The following LRRK1 variants were observed in gnomAD, a reference collection of about 807,000 sequenced individuals.
LRRK1 encodes leucine rich repeat kinase 1.
In LRRK1, 113 loss-of-function variants were observed where a neutral mutation model predicts 209.1. The observed-to-expected ratio is 0.54, with a 90% CI of 0.46 to 0.63. The LOEUF (loss-of-function observed/expected upper bound fraction) is 0.63, where lower values mean the gene tolerates loss of function less well. Among genes scored for constraint, LRRK1 ranks in the 30% least tolerant of loss-of-function variants. The pLI is 0.00. For synonymous variants in LRRK1, 1,144 were observed against 1,099.7 expected (o/e 1.04, Z -0.80); for missense variants, 2,284 against 2,632.2 (o/e 0.87, Z 2.89).
chr15:100,959,058 G>A (rs1427053524), intron 2 of LRRK1, among the ~76,000 whole-genome samples: 1 of 152,204 alleles, frequency 6.6e-6, no homozygotes, highest in Non-Finnish European at 1.5e-5. Flanking sequence ...CCTTAGGGAA[G>A]GGTTGGAGGG....
At chr15:100,983,498 C>T in intron 3 of LRRK1, 30 bp from the exon 4 acceptor site, 1 of 1,539,166 alleles carries the variant, frequency 6.5e-7, no homozygotes, top group African/African-American at 1.4e-5. Flanking sequence ...TAGAGCCAGT[C>T]TCACTGGAGC....
intron 6 of LRRK1, among the ~76,000 whole-genome samples, chr15:101,003,777 G>C (rs2032814472): frequency 6.6e-6 from 1 of 152,098 alleles, no homozygotes; most frequent in African/African-American, 2.4e-5. Flanking sequence ...ATTTGGGTGG[G>C]GACACAGCCA....
At chr15:101,040,587 C>T (rs2034704010) in intron 20 of LRRK1, among the ~76,000 whole-genome samples, 1 of 152,036 alleles carries the variant, frequency 6.6e-6, no homozygotes, top group Non-Finnish European at 1.5e-5. Flanking sequence ...CTTGTTCTTC[C>T]TTCTTAAGGT....
intron 4 of LRRK1, 151 bp from the exon 5 acceptor site, chr15:100,988,483 C>T: frequency 2.7e-6 from 2 of 744,462 alleles, no homozygotes; most frequent in Non-Finnish European, 4.7e-6. Context: ...TGATCTCATT[C>T]TTTTTTATGG....
intron 6 of LRRK1, among the ~76,000 whole-genome samples, chr15:100,992,356 G>C (rs933674379): frequency 6.6e-6 from 1 of 151,982 alleles, no homozygotes; most frequent in African/African-American, 2.4e-5. Flanking sequence ...ATTATATTTT[G>C]GTAGAAAATT....
chr15:100,947,324 A>G (rs1267675256), intron 2 of LRRK1, among the ~76,000 whole-genome samples: 1 of 152,242 alleles, frequency 6.6e-6, no homozygotes, highest in Non-Finnish European at 1.5e-5. Context: ...AAAAATAGAA[A>G]CAATTGATAA....
At chr15:100,930,479 C>T (rs1212242100) in intron 2 of LRRK1, among the ~76,000 whole-genome samples, 3 of 152,216 alleles carry the variant, frequency 2.0e-5, no homozygotes, top group East Asian at 3.8e-4. Flanking sequence ...TGGCCCAAGC[C>T]TGAATGTGGT....
At chr15:101,030,883 T>TACA in intron 20 of LRRK1, among the ~76,000 whole-genome samples, 1 of 152,148 alleles carries the variant, frequency 6.6e-6, no homozygotes, top group Admixed American at 6.5e-5. Context: ...CTGCACCCTA[T>TACA]TTGTGTCTTT....
chr15:100,996,281 G>C (rs1180773748), intron 6 of LRRK1, among the ~76,000 whole-genome samples: 1 of 152,250 alleles, frequency 6.6e-6, no homozygotes, highest in South Asian at 2.1e-4. Context: ...TCAGCAGGCG[G>C]TGCTGCTGTA....
intron 2 of LRRK1, among the ~76,000 whole-genome samples, chr15:100,941,318 G>GTGTC (rs1567190702): frequency 1.2e-5 from 1 of 86,332 alleles, no homozygotes; most frequent in Non-Finnish European, 2.2e-5. Flanking sequence ...GTGTGTCTGT[G>GTGTC]TGTGTGTGTC....
In LRRK1 at chr15:101,071,380, T is replaced by TTTG. The variant is rs2036799335; in HGVS notation, c.*2534_*2535insGTT. On this transcript the variant is annotated 3_prime_UTR_variant, in exon 34 of 34. Transcript: ENST00000388948. ...GACACAGTCAAGAATCTCTGTGTTT[T>TTTG]TTTTGTTTTGTTTTGTTTTTGTTTT... The TTTG allele has an allele frequency of 6.6e-6, 1 of 150,726 alleles. No individual in the cohort carries two copies. 9.3% of individuals were successfully genotyped at this position (150,726 alleles called of 1,614,324 possible).
intron 2 of LRRK1, among the ~76,000 whole-genome samples, chr15:100,965,950 G>A (rs1426988005): frequency 6.6e-6 from 1 of 151,994 alleles, no homozygotes; most frequent in East Asian, 1.9e-4. Flanking sequence ...CTACTTATTT[G>A]GGACATTAAT....
rs1339120115 is a variant in LRRK1, at chr15:101,022,625, C to A, written c.2067+28C>A. The A allele has an allele frequency of 6.7e-7, 1 of 1,499,276 alleles. No individual in the cohort carries two copies. Among genetic ancestry groups the A allele is most frequent in the Non-Finnish European group, 9.1e-7 (1 of 1,095,940 alleles). The allele number at this position is 1,499,276 out of a possible 1,614,324, so 92.9% of individuals were successfully genotyped here. On this transcript the variant is annotated intron_variant, in intron 15 of 33. Coordinates refer to ENST00000388948, the MANE Select transcript of LRRK1 (RefSeq NM_024652.6). The surrounding 1 kb of genome is among the most constrained non-coding windows in gnomAD (Gnocchi z 4.0). Reference sequence around the variant, plus strand: ...CAAGGATGGTCTGCGTGCAGAGTCCCTGTGGGTGGGAGGAACATCCCTTGG... The same window carrying A: ...CAAGGATGGTCTGCGTGCAGAGTCCATGTGGGTGGGAGGAACATCCCTTGG...
chr15:101,031,307 AGC>A (rs1422671664), intron 20 of LRRK1, among the ~76,000 whole-genome samples: 2 of 152,206 alleles, frequency 1.3e-5, no homozygotes, highest in African/African-American at 4.8e-5. Context: ...TCTGACTTCC[AGC>A]ACCAGAGCCT....
Position 101,022,888 on chromosome 15 carries a change from A to C in LRRK1, c.2067+291A>C, listed in dbSNP as rs1321883949. Among the ~76,000 whole-genome samples, 1 of 151,958 alleles carries C rather than the reference A, an allele frequency of 6.6e-6. No individual in the cohort carries two copies. Among genetic ancestry groups the C allele is most frequent in the Non-Finnish European group, 1.5e-5 (1 of 68,008 alleles). On this transcript the variant is annotated intron_variant, in intron 15 of 33. Coordinates refer to ENST00000388948, the MANE Select transcript of LRRK1 (RefSeq NM_024652.6). The surrounding 1 kb of genome is among the most constrained non-coding windows in gnomAD (Gnocchi z 4.0). The stretch of plus-strand genomic sequence containing the variant: ...GATGCATCCTCAACCTCCCCAGCTT[A>C]AATGATCCACCTGCCCTGTATGTTT...
At chr15:100,951,015 A>G (rs983349169) in intron 2 of LRRK1, among the ~76,000 whole-genome samples, 2 of 152,232 alleles carry the variant, frequency 1.3e-5, no homozygotes, top group Admixed American at 6.5e-5. Flanking sequence ...AGGCAGGAGA[A>G]TGGCGTGAAC....
chr15:100,988,801 G>C lies in LRRK1; in HGVS notation c.601G>C (p.Ala201Pro). Residue 201 changes from alanine to proline, a missense_variant, in exon 5 of 34, where the codon GCC becomes CCC. Coordinates refer to ENST00000388948, the MANE Select transcript of LRRK1 (RefSeq NM_024652.6). ...CATCGTGCGCTTGCCCCTGTATGCG[G>C]CCATCAAGTCAGGTGGGTTTCCCCA... is the stretch of plus-strand genomic sequence containing the variant. Reference protein sequence around the residue: ...PVIVRLPLYAAIKSGNEDIAI... With the variant: ...PVIVRLPLYAPIKSGNEDIAI... 1 of 1,601,834 alleles carries C rather than the reference G, an allele frequency of 6.2e-7. No homozygotes were observed. Among genetic ancestry groups the C allele is most frequent in the Non-Finnish European group, 8.5e-7 (1 of 1,171,262 alleles).
chr15:101,015,409 G>A lies in LRRK1; in HGVS notation c.1609+7G>A, dbSNP rs1023749332. On this transcript the variant is annotated splice_region_variant and intron_variant, in intron 12 of 33. Transcript: ENST00000388948. Reference sequence around the variant, plus strand: ...CGCTCCGGGACTGAGGCAGGTGTGTGTGGGTTGGGAGACGGTGTTCCCAGA... The same window carrying A: ...CGCTCCGGGACTGAGGCAGGTGTGTATGGGTTGGGAGACGGTGTTCCCAGA... 1.9e-6 allele frequency: 3 copies of A among 1,609,984 alleles called. No homozygotes were observed. The highest frequency in any genetic ancestry group is 2.5e-6 in the Non-Finnish European group (3 of 1,177,344).
Position 101,066,736 on chromosome 15 carries a change from G to A in LRRK1, c.5865G>A (p.Pro1955=), listed in dbSNP as rs184419743. ...TCTTAAAAGCCCGAGAGCTGACTCC[G>A]CATGGGTAAGACTGAGTGGCAGCTC... ...IAVLKARELT[P]HGVLVDAAVV... is the part of the protein sequence containing the mutation. Residue 1955 remains proline, a synonymous_variant, in exon 33 of 34, where the codon CCG becomes CCA. Coordinates refer to ENST00000388948, the MANE Select transcript of LRRK1 (RefSeq NM_024652.6). 21 of 1,613,282 alleles carry A rather than the reference G, an allele frequency of 1.3e-5. No homozygotes were observed. The highest frequency in any genetic ancestry group is 3.3e-5 in the Admixed American group (2 of 60,022).
Sources: gnomAD v4.1 joint callset for allele counts (sites outside exome capture counted in the v4.1 genomes callset) on GRCh38, gnomAD v4.1.1 for gene constraint, Gnocchi (gnomAD v3.1) non-coding constraint, MANE v1.5 for transcripts, NCBI Gene and HGNC (gene_info 2026-07-23, HGNC 2026-07-21) for gene names.